Variants in NHEJ1 observed in about 807,000 individuals in gnomAD.
The protein encoded by NHEJ1 is non-homologous end-joining factor 1.
NHEJ1 carries 22 observed loss-of-function variants against 39.4 expected under a neutral mutation model. The observed-to-expected ratio is 0.56, with a 90% CI of 0.40 to 0.80. The LOEUF is 0.80. NHEJ1 is among the 30% of genes least tolerant of loss of function. The probability of loss-of-function intolerance (pLI) is 0.00; values close to 1 mark genes in which losing one functional copy is unlikely to be tolerated. For synonymous variants in NHEJ1, 154 were observed against 135.6 expected (o/e 1.14, Z -0.94); for missense variants, 329 against 357.1 (o/e 0.92, Z 0.63).
chr2:219,127,942 G>C (rs1024563871), intron 5 of NHEJ1, among the ~76,000 whole-genome samples: 16 of 152,162 alleles, frequency 1.1e-4, no homozygotes, highest in Non-Finnish European at 2.2e-4. Context: ...CTCAGTGTCA[G>C]AGCTCTTTGG....
At chr2:219,130,911 A>C (rs533089277) in intron 5 of NHEJ1, among the ~76,000 whole-genome samples, 33 of 152,266 alleles carry the variant, frequency 2.2e-4, no homozygotes, top group Admixed American at 2.0e-3. Flanking sequence ...AAAAACAGTG[A>C]GACCCAGGAT....
At chr2:219,143,976 G>A (rs879328168) in intron 5 of NHEJ1, among the ~76,000 whole-genome samples, 10 of 152,142 alleles carry the variant, frequency 6.6e-5, no homozygotes, top group South Asian at 4.1e-4. Flanking sequence ...CAAGGTGGGC[G>A]GACCACATGA....
intron 5 of NHEJ1, among the ~76,000 whole-genome samples, chr2:219,122,192 A>G (rs938025589): frequency 6.6e-6 from 1 of 152,304 alleles, no homozygotes; most frequent in Admixed American, 6.5e-5. Context: ...GTGGAGGGTT[A>G]TTCAAGAAGT....
rs1160844916 is a variant in NHEJ1 at position 219,074,773 on chromosome 2, A to C, written c.*1608T>G. Among the ~76,000 whole-genome samples, 1 of 151,992 alleles carries C rather than the reference A, an allele frequency of 6.6e-6. No individual in the cohort carries two copies. The highest frequency in any genetic ancestry group is 2.4e-5 in the African/African-American group (1 of 41,356). On this transcript the variant is annotated 3_prime_UTR_variant, in exon 8 of 8. Coordinates refer to ENST00000356853, the MANE Select transcript of NHEJ1 (RefSeq NM_024782.3). Reference sequence around the variant, plus strand: ...AAAAAAAGTAACAAAAGAGCAAAGTAAGCCAGCTGATAGGCTGTTTTTATA... The same window carrying C: ...AAAAAAAGTAACAAAAGAGCAAAGTCAGCCAGCTGATAGGCTGTTTTTATA...
At chr2:219,109,575 GCTCT>G (rs1167645444) in intron 5 of NHEJ1, among the ~76,000 whole-genome samples, 1 of 152,124 alleles carries the variant, frequency 6.6e-6, no homozygotes, top group African/African-American at 2.4e-5. Context: ...TGCATCAAGG[GCTCT>G]CTGTGTCCCA....
intron 5 of NHEJ1, among the ~76,000 whole-genome samples, chr2:219,096,852 T>C (rs868608832): frequency 2.6e-5 from 4 of 152,240 alleles, no homozygotes; most frequent in South Asian, 2.1e-4. Flanking sequence ...GAAGGGGCCT[T>C]GTGAGCCACT....
chr2:219,115,508 G>C (rs1949405261), intron 5 of NHEJ1, among the ~76,000 whole-genome samples: 1 of 152,150 alleles, frequency 6.6e-6, no homozygotes, highest in African/African-American at 2.4e-5. Flanking sequence ...TGAGCAAATA[G>C]TCAAAAATAT....
At chr2:219,140,339 T>G (rs1361075366) in intron 5 of NHEJ1, among the ~76,000 whole-genome samples, 2 of 152,232 alleles carry the variant, frequency 1.3e-5, no homozygotes, top group African/African-American at 4.8e-5. Flanking sequence ...TGAAGGGCTT[T>G]GAGCAGAAGA....
chr2:219,114,252 C>T (rs1949390756), intron 5 of NHEJ1, among the ~76,000 whole-genome samples: 1 of 152,206 alleles, frequency 6.6e-6, no homozygotes, highest in Admixed American at 6.5e-5. Context: ...GATTACCTCC[C>T]AGACTAAATT....
chr2:219,158,181 C>T lies in NHEJ1; in HGVS notation c.177+5G>A, dbSNP rs1949875768. ...CGACACAGCAGTACTTCTCCTCATA[C>T]TTACCTTGGCTCGCTGGCTGACCAC... On this transcript the variant is annotated splice_donor_5th_base_variant and intron_variant, in intron 2 of 7. Transcript: ENST00000356853. 1.9e-6 allele frequency: 3 copies of T among 1,614,178 alleles called. No individual in the cohort carries two copies. Among genetic ancestry groups the T allele is most frequent in the African/African-American group, 1.3e-5 (1 of 75,034 alleles).
chr2:219,078,232 T>C (rs754511667), intron 5 of NHEJ1, 26 bp from the exon 6 acceptor site: 16 of 1,565,732 alleles, frequency 1.0e-5, no homozygotes, highest in African/African-American at 1.4e-5. Flanking sequence ...GATACTGTCA[T>C]TGGTTACACT....
At chr2:219,133,890 G>T (rs538027585) in intron 5 of NHEJ1, among the ~76,000 whole-genome samples, 15 of 152,260 alleles carry the variant, frequency 9.9e-5, no homozygotes, top group Non-Finnish European at 1.9e-4. Flanking sequence ...AACTCCACAG[G>T]TCCCTGCTTC....
chr2:219,128,461 T>C (rs1949545263), intron 5 of NHEJ1, among the ~76,000 whole-genome samples: 1 of 152,084 alleles, frequency 6.6e-6, no homozygotes, highest in Admixed American at 6.5e-5. Flanking sequence ...CTTCTTTTTT[T>C]CCCCCTTCTG....
chr2:219,152,789 T>TTATTTTTATTTATTTATTTA (rs60094718), intron 3 of NHEJ1, among the ~76,000 whole-genome samples: 25 of 87,784 alleles, frequency 2.8e-4, no homozygotes, highest in East Asian at 2.7e-3. Context: ...ATTTATTTAT[T>TTATTTTTATTTATTTATTTA]TTTATTTATT....
intron 1 of NHEJ1, among the ~76,000 whole-genome samples, chr2:219,159,578 T>TATATATATATATGCATATATATGC (rs1559206377): frequency 1.8e-5 from 1 of 56,328 alleles, no homozygotes; most frequent in Admixed American, 1.8e-4. Context: ...TATATATGCA[T>TATATATATATATGCATATATATGC]ATATATATGC....
At chr2:219,087,851 A>G (rs540448364) in intron 5 of NHEJ1, among the ~76,000 whole-genome samples, 12 of 152,358 alleles carry the variant, frequency 7.9e-5, no homozygotes, top group African/African-American at 2.9e-4. Context: ...GTAGGAGAAA[A>G]TACTTGCAAT....
intron 5 of NHEJ1, among the ~76,000 whole-genome samples, chr2:219,127,826 C>G (rs901848672): frequency 1.3e-5 from 2 of 152,340 alleles, no homozygotes; most frequent in South Asian, 4.1e-4. Flanking sequence ...CAATCCCATA[C>G]AGGAAAATCA....
chr2:219,093,404 G>A (rs1949179274), intron 5 of NHEJ1, among the ~76,000 whole-genome samples: 1 of 152,174 alleles, frequency 6.6e-6, no homozygotes, highest in Non-Finnish European at 1.5e-5. Flanking sequence ...TATATAAATG[G>A]CCAGAAGAAG....
chr2:219,159,513 T>TATA (rs1949891238), intron 1 of NHEJ1, among the ~76,000 whole-genome samples: 1 of 90,090 alleles, frequency 1.1e-5, no homozygotes, highest in Non-Finnish European at 2.1e-5. Context: ...TGACATAACT[T>TATA]TATATATATA....
Sources: gnomAD v4.1 joint callset for allele counts (sites outside exome capture counted in the v4.1 genomes callset) on GRCh38, gnomAD v4.1.1 for gene constraint, MANE v1.5 for transcripts, NCBI Gene and HGNC (gene_info 2026-07-23, HGNC 2026-07-21) for gene names.